Variants in RGL1 observed in about 807,000 individuals in gnomAD.
RGL1 encodes the protein ral guanine nucleotide dissociation stimulator-like 1.
In RGL1, 24 loss-of-function variants were observed where a neutral mutation model predicts 95.2. The observed-to-expected ratio is 0.25, with a 90% CI of 0.18 to 0.35. The LOEUF (loss-of-function observed/expected upper bound fraction) is 0.35. Among genes scored for constraint, RGL1 ranks in the 10% least tolerant of loss-of-function variants. The pLI is 1.00. For synonymous variants in RGL1, 329 were observed against 344.9 expected (o/e 0.95, Z 0.51); for missense variants, 715 against 936.3 (o/e 0.76, Z 3.08).
intron 3 of RGL1, among the ~76,000 whole-genome samples, chr1:183,862,958 G>C (rs1665603009): frequency 6.6e-6 from 1 of 152,114 alleles, no homozygotes; most frequent in African/African-American, 2.4e-5. Flanking sequence ...GGAGGGAAGG[G>C]GCTGATGTTA....
intron 2 of RGL1, among the ~76,000 whole-genome samples, chr1:183,784,415 A>G (rs982187624): frequency 6.6e-6 from 1 of 152,194 alleles, no homozygotes; most frequent in Non-Finnish European, 1.5e-5. Flanking sequence ...CAGACTTCCA[A>G]GCTCTGGGAG....
At chr1:183,649,350 A>G (rs1650549636) in intron 1 of RGL1, among the ~76,000 whole-genome samples, 1 of 152,238 alleles carries the variant, frequency 6.6e-6, no homozygotes, top group Non-Finnish European at 1.5e-5. Context: ...TCCTAATTAT[A>G]AAAGTACAAA....
chr1:183,916,229 A>G (rs191941830), intron 15 of RGL1, among the ~76,000 whole-genome samples: 1 of 152,296 alleles, frequency 6.6e-6, no homozygotes, highest in African/African-American at 2.4e-5. Flanking sequence ...TCACGTGCTT[A>G]TAGAGTGATT....
At chr1:183,854,249 A>G (rs1665000900) in intron 3 of RGL1, among the ~76,000 whole-genome samples, 1 of 152,214 alleles carries the variant, frequency 6.6e-6, no homozygotes, top group Non-Finnish European at 1.5e-5. Context: ...CACTTAGATC[A>G]TGGCCCATAA....
chr1:183,690,152 A>G (rs1359484264), intron 1 of RGL1, among the ~76,000 whole-genome samples: 1 of 152,184 alleles, frequency 6.6e-6, no homozygotes, highest in African/African-American at 2.4e-5. Flanking sequence ...TGGGAGTTGA[A>G]TGGGTGGCTG....
intron 2 of RGL1, among the ~76,000 whole-genome samples, chr1:183,833,727 AG>A (rs1291540069): frequency 6.6e-6 from 1 of 152,216 alleles, no homozygotes; most frequent in African/African-American, 2.4e-5. Flanking sequence ...TTTGGTTAAA[AG>A]TAAAACTGAT....
At chr1:183,812,284 C>T (rs753115949) in intron 2 of RGL1, among the ~76,000 whole-genome samples, 2 of 152,212 alleles carry the variant, frequency 1.3e-5, no homozygotes, top group Non-Finnish European at 2.9e-5. Context: ...AGAAGCTCAG[C>T]TCTGTGTCTG....
At chr1:183,795,984 T>C (rs552550377) in intron 2 of RGL1, among the ~76,000 whole-genome samples, 1 of 152,160 alleles carries the variant, frequency 6.6e-6, no homozygotes, top group Admixed American at 6.5e-5. Context: ...TAACATGTAG[T>C]AGTAACAGAT....
At position 183,912,012 on chromosome 1, in the gene RGL1, A is replaced by C. The variant is rs545468377; in HGVS notation, c.1563-70A>C. On this transcript the variant is annotated intron_variant, in intron 14 of 17. Transcript: ENST00000360851. ...AAAACATCAAGGGCTTAATCAACACAAAATATTTGCCTAATCATGGATTCC... is the reference window on the plus strand; with the variant it reads ...AAAACATCAAGGGCTTAATCAACACCAAATATTTGCCTAATCATGGATTCC... 10 of 1,402,214 alleles carry C rather than the reference A, an allele frequency of 7.1e-6. No individual in the cohort carries two copies. The East Asian group carries it at 2.3e-4, about 33-fold the overall frequency. The allele number at this position is 1,402,214 out of a possible 1,614,324, so 86.9% of individuals were successfully genotyped here. A position where few individuals can be genotyped will look rare whatever the true frequency, so the allele number is the denominator to read the frequency against.
chr1:183,892,111 A>G lies in RGL1; in HGVS notation c.1090A>G (p.Ile364Val). Residue 364 changes from isoleucine to valine, a missense_variant, in exon 9 of 18, where the codon ATC becomes GTC. Ile to Val is a conservative substitution (Grantham distance 29). Around this residue, in one of 3 missense-constraint regions of RGL1, gnomAD observed 381 missense variants for 484.8 expected, o/e 0.79. Coordinates refer to ENST00000360851, the MANE Select transcript of RGL1 (RefSeq NM_001297671.3). ...RMLMFEELSD[I>V]FSDHNNHLTS... ...GCTGATGTTTGAAGAACTTTCAGAT[A>G]TCTTCTCAGACCATAATAACCATTT... is the stretch of plus-strand genomic sequence containing the variant. The G allele has an allele frequency of 3.1e-6, 5 of 1,613,012 alleles. No homozygotes were observed. The highest frequency in any genetic ancestry group is 4.2e-6 in the Non-Finnish European group (5 of 1,179,364).
chr1:183,825,877 T>C (rs186027362), intron 2 of RGL1, among the ~76,000 whole-genome samples: 14 of 152,234 alleles, frequency 9.2e-5, no homozygotes, highest in African/African-American at 3.4e-4. Flanking sequence ...ATTGCAACCA[T>C]GAAGGCCAGA....
intron 2 of RGL1, among the ~76,000 whole-genome samples, chr1:183,771,122 A>T (rs992584233): frequency 1.3e-5 from 2 of 152,180 alleles, no homozygotes; most frequent in Non-Finnish European, 2.9e-5. Context: ...ATGAGATAGG[A>T]CTTATTTCTA....
intron 1 of RGL1, among the ~76,000 whole-genome samples, chr1:183,734,414 T>G (rs1414423785): frequency 6.6e-6 from 1 of 152,216 alleles, no homozygotes; most frequent in Non-Finnish European, 1.5e-5. Flanking sequence ...TTTGAGCTTC[T>G]GAGGATAAAC....
At chr1:183,847,885 A>G in intron 3 of RGL1, 111 bp downstream of exon 3, 1 of 764,662 alleles carries the variant, frequency 1.3e-6, no homozygotes. Flanking sequence ...TATGTGAGGA[A>G]AGATTAACGG....
At chr1:183,816,344 G>A (rs763679839) in intron 2 of RGL1, among the ~76,000 whole-genome samples, 1 of 152,092 alleles carries the variant, frequency 6.6e-6, no homozygotes, top group African/African-American at 2.4e-5. Flanking sequence ...TTTCTTAATA[G>A]GACATAATTT....
At chr1:183,694,697 G>T (rs1313647246) in intron 1 of RGL1, among the ~76,000 whole-genome samples, 1 of 152,198 alleles carries the variant, frequency 6.6e-6, no homozygotes, top group African/African-American at 2.4e-5. Flanking sequence ...ACTCAGATTT[G>T]CAGATCTGGG....
chr1:183,851,510 A>G (rs1664825533), intron 3 of RGL1, among the ~76,000 whole-genome samples: 1 of 152,204 alleles, frequency 6.6e-6, no homozygotes, highest in Non-Finnish European at 1.5e-5. Context: ...TTCAAATTAC[A>G]TATCCATAAG....
intron 1 of RGL1, among the ~76,000 whole-genome samples, chr1:183,690,956 A>G (rs555169618): frequency 6.6e-6 from 1 of 152,304 alleles, no homozygotes; most frequent in South Asian, 2.1e-4. Context: ...TGATATGCCT[A>G]ATTGAGGTTT....
intron 1 of RGL1, among the ~76,000 whole-genome samples, chr1:183,643,534 G>A (rs772225207): frequency 4.6e-5 from 7 of 151,922 alleles, no homozygotes; most frequent in South Asian, 2.1e-4. Flanking sequence ...CTCGTGATCC[G>A]CCTACCTCGG....
Sources: allele counts gnomAD v4.1 joint callset (sites outside exome capture counted in the v4.1 genomes callset), GRCh38; gene constraint gnomAD v4.1.1; regional missense constraint gnomAD v4.1.1; transcripts MANE v1.5; gene names NCBI Gene and HGNC (gene_info 2026-07-23, HGNC 2026-07-21).